AP3B2: variants seen among roughly 807,000 people sequenced by gnomAD.
AP3B2 encodes the protein adaptor related protein complex 3 subunit beta 2, also known as AP-3 complex subunit beta-2.
Under a neutral mutation model 126.9 loss-of-function variants are expected in AP3B2, and 50 were observed. The observed-to-expected ratio is 0.39, with a 90% CI of 0.31 to 0.50. The LOEUF (loss-of-function observed/expected upper bound fraction) is 0.50, where lower values mean the gene tolerates loss of function less well. Ranked by LOEUF, AP3B2 falls within the 20% of genes least tolerant of loss-of-function variation. The pLI is 0.79. For synonymous variants in AP3B2, 541 were observed against 565.0 expected, an observed-to-expected ratio of 0.96 and a Z score of 0.60; for missense variants, 1,177 against 1,426.4, an observed-to-expected ratio of 0.83 and a Z score of 2.82.
At chr15:82,687,747 C>A (rs2048454734) in intron 4 of AP3B2, 1 of 152,248 alleles carries the variant, frequency 6.6e-6, no homozygotes, top group Admixed American at 6.5e-5. Flanking sequence ...ACCCAGCAAC[C>A]TACAGAACTT....
intron 4 of AP3B2, chr15:82,685,664 C>G (rs1000267115): frequency 2.6e-5 from 4 of 152,138 alleles, no homozygotes; most frequent in African/African-American, 9.7e-5. Context: ...ATTATAGATT[C>G]ACAGAAAGTT....
Position 82,664,072 on chromosome 15 carries a change from G to A in AP3B2, c.2262-97C>T. On this transcript the variant is annotated intron_variant, in intron 19 of 26. Transcript: ENST00000535359. The surrounding 1 kb of genome is among the most constrained non-coding windows in gnomAD (Gnocchi z 4.5). Reference sequence around the variant, plus strand: ...ATGCTGAAAAGCTGGAGTGGTGTGGGGAGCCTGAGCCAGGAGGGTTCACAC... The same window carrying A: ...ATGCTGAAAAGCTGGAGTGGTGTGGAGAGCCTGAGCCAGGAGGGTTCACAC... The A allele has an allele frequency of 6.8e-7, 1 of 1,481,134 alleles. No individual in the cohort carries two copies. Among genetic ancestry groups the A allele is most frequent in the African/African-American group, 1.4e-5 (1 of 71,744 alleles). 91.7% of individuals were successfully genotyped at this position (1,481,134 alleles called of 1,614,324 possible). A position where few individuals can be genotyped will look rare whatever the true frequency, so the allele number is the denominator to read the frequency against.
At position 82,665,136 on chromosome 15, in the gene AP3B2, C is replaced by G. The variant is rs1292794967; in HGVS notation, c.2028+111G>C. The stretch of plus-strand genomic sequence containing the variant: ...AATGCTGCTCACAGAGGAGCACTGC[C>G]AAACCAAGGTGGAAACAGAGTATGG... On this transcript the variant is annotated intron_variant, in intron 17 of 26. Coordinates refer to ENST00000535359, the MANE Select transcript of AP3B2 (RefSeq NM_001278512.2). This position sits in a 1 kb window ranked among gnomAD's most constrained non-coding sequence, Gnocchi z 4.4. The G allele has an allele frequency of 3.2e-5, 42 of 1,314,984 alleles. No individual in the cohort carries two copies. Among genetic ancestry groups the G allele is most frequent in the Non-Finnish European group, 1.8e-5 (17 of 952,936 alleles). The allele number at this position is 1,314,984 out of a possible 1,614,324, so 81.5% of individuals were successfully genotyped here.
Position 82,689,492 on chromosome 15 carries a change from G to C in AP3B2, c.114-39C>G, listed in dbSNP as rs771482571. 8 of 1,592,352 alleles carry C rather than the reference G, an allele frequency of 5.0e-6. No homozygotes were observed. The South Asian group carries it at 9.0e-5, about 18-fold the overall frequency. On this transcript the variant is annotated intron_variant, in intron 1 of 26. Coordinates refer to ENST00000535359, the MANE Select transcript of AP3B2 (RefSeq NM_001278512.2). Reference sequence around the variant, plus strand: ...CAAGAAGTCAGCTGAGGGCACAAGGGTGGGGATGGGGTATTAATCAGGAGG... The same window carrying C: ...CAAGAAGTCAGCTGAGGGCACAAGGCTGGGGATGGGGTATTAATCAGGAGG...
rs772847833 is a variant in AP3B2, at chr15:82,664,937, C to T, written c.2035G>A (p.Glu679Lys). The T allele has an allele frequency of 6.2e-7, 1 of 1,605,652 alleles. No individual in the cohort carries two copies. The highest frequency in any genetic ancestry group is 1.1e-5 in the South Asian group (1 of 89,152). ...GLLGEYTEVP[E>K]WTKCSNREKR... is the part of the protein sequence containing the mutation. ...TCCCGATTTGAGCACTTGGTCCATT[C>T]AGGTACCTGGAGATGGGGGTAGGGT... is the stretch of plus-strand genomic sequence containing the variant. Residue 679 changes from glutamate (E) to lysine (K), a missense_variant, in exon 18 of 27, where the codon GAA (glutamate) becomes AAA (lysine). Glu to Lys is a moderately conservative substitution (Grantham distance 56, BLOSUM62 1). Transcript: ENST00000535359. This position sits in a 1 kb window ranked among gnomAD's most constrained non-coding sequence, Gnocchi z 4.5.
intron 1 of AP3B2, among the ~76,000 whole-genome samples, chr15:82,702,940 T>C (rs968303954): frequency 6.2e-4 from 95 of 152,162 alleles, no homozygotes; most frequent in Non-Finnish European, 1.2e-3. Context: ...GGCCTCTTTT[T>C]ACTCTCTTCT....
intron 13 of AP3B2, 147 bp from the exon 14 acceptor site, chr15:82,676,784 T>C (rs7496954): frequency 2.8e-6 from 2 of 713,458 alleles, no homozygotes; most frequent in Non-Finnish European, 2.2e-6. Flanking sequence ...GGTGGTGAGA[T>C]AGAGAGAGGT....
At chr15:82,676,329 A>G (rs1201245334) in intron 14 of AP3B2, 132 bp downstream of exon 14, 1 of 940,682 alleles carries the variant, frequency 1.1e-6, no homozygotes, top group East Asian at 2.6e-5. Context: ...TGGGCAGACC[A>G]GCCACCTTCC....
rs140612892 is a variant in AP3B2, at chr15:82,679,153, C to T, written c.1182+576G>A. 1.3e-4 allele frequency among the ~76,000 whole-genome samples: 20 copies of T among 152,108 alleles called. No individual in the cohort carries two copies. The East Asian group carries it at 2.7e-3, about 21-fold the overall frequency. Reference sequence around the variant, plus strand: ...TTTTTCTTAGATTGAGATGGAGTTTCGCTCTTGTCACCCAGGCTGGAGTGC... The same window carrying T: ...TTTTTCTTAGATTGAGATGGAGTTTTGCTCTTGTCACCCAGGCTGGAGTGC... On this transcript the variant is annotated intron_variant, in intron 10 of 26. Transcript: ENST00000535359.
intron 23 of AP3B2, 106 bp downstream of exon 23, chr15:82,662,588 C>T: frequency 9.5e-7 from 1 of 1,054,848 alleles, no homozygotes; most frequent in South Asian, 1.5e-5. Flanking sequence ...TCTCTGTGCC[C>T]CTATAGCTTG....
At chr15:82,678,976 C>T (rs974348117) in intron 10 of AP3B2, among the ~76,000 whole-genome samples, 1 of 152,116 alleles carries the variant, frequency 6.6e-6, no homozygotes, top group Non-Finnish European at 1.5e-5. Flanking sequence ...TATGGGCTCC[C>T]GCCACTTTCC....
chr15:82,703,257 AC>A (rs1342660194), intron 1 of AP3B2, among the ~76,000 whole-genome samples: 1 of 140,140 alleles, frequency 7.1e-6, no homozygotes, highest in Admixed American at 7.2e-5. Flanking sequence ...GGGGGCAAGT[AC>A]CCCCCACCCC....
intron 1 of AP3B2, among the ~76,000 whole-genome samples, chr15:82,690,813 C>T (rs775643493): frequency 1.3e-5 from 2 of 151,898 alleles, no homozygotes; most frequent in African/African-American, 2.4e-5. Context: ...GCCACCACCA[C>T]GCCCAGCTAA....
Position 82,679,714 on chromosome 15 carries a change from C to T in AP3B2, c.1182+15G>A, listed in dbSNP as rs2151440117. ...GGAGGGCTGGGAAGCACATGCACTTCTGTCCCTCACTCACCTTCAGGATCT... is the reference window on the plus strand; with the variant it reads ...GGAGGGCTGGGAAGCACATGCACTTTTGTCCCTCACTCACCTTCAGGATCT... On this transcript the variant is annotated intron_variant, in intron 10 of 26. Coordinates refer to ENST00000535359, the MANE Select transcript of AP3B2 (RefSeq NM_001278512.2). 1 of 1,611,568 alleles carries T rather than the reference C, an allele frequency of 6.2e-7. No homozygotes were observed. Among genetic ancestry groups the T allele is most frequent in the East Asian group, 2.2e-5 (1 of 44,844 alleles).
In AP3B2 at chr15:82,680,414, C is replaced by T; in HGVS notation, c.1055+58G>A. On this transcript the variant is annotated intron_variant, in intron 8 of 26. Coordinates refer to ENST00000535359, the MANE Select transcript of AP3B2 (RefSeq NM_001278512.2). This position sits in a 1 kb window ranked among gnomAD's most constrained non-coding sequence, Gnocchi z 6.1. ...GTGGGCGTGAGGGGGCGGAGCCGGGCAGCCCGTGGGGCGGGGCAGGAGGCG... is the reference window on the plus strand; with the variant it reads ...GTGGGCGTGAGGGGGCGGAGCCGGGTAGCCCGTGGGGCGGGGCAGGAGGCG... 1 of 1,443,688 alleles carries T rather than the reference C, an allele frequency of 6.9e-7. No individual in the cohort carries two copies. The highest frequency in any genetic ancestry group is 2.5e-5 in the Admixed American group (1 of 40,558). 89.4% of individuals were successfully genotyped at this position (1,443,688 alleles called of 1,614,324 possible). A position where few individuals can be genotyped will look rare whatever the true frequency, so the allele number is the denominator to read the frequency against.
intron 4 of AP3B2, among the ~76,000 whole-genome samples, chr15:82,684,329 C>T (rs1187082094): frequency 2.0e-5 from 3 of 152,298 alleles, no homozygotes; most frequent in Admixed American, 2.0e-4. Flanking sequence ...TTTTGCTTCA[C>T]CTTGCATTTT....
Position 82,665,120 on chromosome 15 carries a change from C to G in AP3B2, c.2028+127G>C. The G allele has an allele frequency of 8.8e-7, 1 of 1,140,938 alleles. No homozygotes were observed. Among genetic ancestry groups the G allele is most frequent in the South Asian group, 1.4e-5 (1 of 70,086 alleles). The allele number at this position is 1,140,938 out of a possible 1,614,324, so 70.7% of individuals were successfully genotyped here. On this transcript the variant is annotated intron_variant, in intron 17 of 26. Coordinates refer to ENST00000535359, the MANE Select transcript of AP3B2 (RefSeq NM_001278512.2). The surrounding 1 kb of genome is among the most constrained non-coding windows in gnomAD (Gnocchi z 4.4). ...TCCATGGAGGGGAGGGAATGCTGCT[C>G]ACAGAGGAGCACTGCCAAACCAAGG...
chr15:82,677,313 C>T lies in AP3B2; in HGVS notation c.1449G>A (p.Glu483=). 1.9e-6 allele frequency: 3 copies of T among 1,613,944 alleles called. No individual in the cohort carries two copies. The highest frequency in any genetic ancestry group is 2.5e-6 in the Non-Finnish European group (3 of 1,179,882). ...LLQMQPAQHG[E]IIKHLAKLTD... is the part of the protein sequence containing the mutation. The stretch of plus-strand genomic sequence containing the variant: ...TAAGCTTTGCCAAGTGTTTGATGAT[C>T]TCTCCATGTTGTGCTGGCTGCATCT... Residue 483 remains glutamate, a synonymous_variant, in exon 13 of 27, where the codon GAG becomes GAA. Transcript: ENST00000535359.
chr15:82,695,336 T>C (rs2048615740), intron 1 of AP3B2, among the ~76,000 whole-genome samples: 1 of 152,050 alleles, frequency 6.6e-6, no homozygotes, highest in Non-Finnish European at 1.5e-5. Context: ...TGACCTCAAG[T>C]GATCCACCCG....
Sources: allele counts gnomAD v4.1 joint callset (sites outside exome capture counted in the v4.1 genomes callset), GRCh38; gene constraint gnomAD v4.1.1; non-coding constraint Gnocchi (gnomAD v3.1); transcripts MANE v1.5; gene names NCBI Gene and HGNC (gene_info 2026-07-23, HGNC 2026-07-21).